DPP6: variants seen among roughly 807,000 people sequenced by gnomAD.
DPP6 encodes the protein A-type potassium channel modulatory protein DPP6.
A neutral mutation model predicts 122.6 loss-of-function variants in DPP6; 69 were observed. That is an observed-to-expected ratio of 0.56 (90% confidence interval 0.46 to 0.69). DPP6 has a LOEUF of 0.69. DPP6 is among the 30% of genes least tolerant of loss of function. DPP6 has a pLI of 0.00. For synonymous variants in DPP6, 418 were observed against 433.1 expected (o/e 0.97, Z 0.43); for missense variants, 928 against 1,116.9 (o/e 0.83, Z 2.41).
chr7:154,709,649 T>C (rs903249914), intron 7 of DPP6, among the ~76,000 whole-genome samples: 2 of 152,080 alleles, frequency 1.3e-5, no homozygotes, highest in Admixed American at 6.5e-5. Flanking sequence ...TTGGTGGCTT[T>C]TGCTGTGCTG....
At chr7:154,609,350 G>A (rs1833767859) in intron 5 of DPP6, among the ~76,000 whole-genome samples, 1 of 152,200 alleles carries the variant, frequency 6.6e-6, no homozygotes, top group Admixed American at 6.5e-5. Context: ...CACATTTTCA[G>A]AGTATTTTCT....
intron 1 of DPP6, among the ~76,000 whole-genome samples, chr7:154,272,467 C>T (rs1420261016): frequency 2.0e-5 from 3 of 152,180 alleles, no homozygotes; most frequent in Non-Finnish European, 2.9e-5. Flanking sequence ...GGTGGCATTA[C>T]CAGTACTGTA....
At chr7:154,283,995 C>T (rs550617324) in intron 1 of DPP6, among the ~76,000 whole-genome samples, 2 of 152,286 alleles carry the variant, frequency 1.3e-5, no homozygotes, top group African/African-American at 4.8e-5. Context: ...AAGTTGCTTT[C>T]AAACATTGCC....
At chr7:154,660,444 G>A (rs1837570349) in intron 6 of DPP6, among the ~76,000 whole-genome samples, 1 of 149,904 alleles carries the variant, frequency 6.7e-6, no homozygotes, top group Non-Finnish European at 1.5e-5. Context: ...TGGCGTATTG[G>A]CCCTAGTGTT....
chr7:154,715,048 T>TC (rs1366384937), intron 7 of DPP6, among the ~76,000 whole-genome samples: 2 of 95,904 alleles, frequency 2.1e-5, no homozygotes, highest in Admixed American at 2.8e-4. Context: ...TTTTATTTTA[T>TC]TTTATCTTAT....
the DPP6 span, among the ~76,000 whole-genome samples, chr7:153,855,843 C>CA: frequency 7.3e-5 from 11 of 150,436 alleles, no homozygotes; most frequent in Non-Finnish European, 1.2e-4. Flanking sequence ...CTTCTAGATT[C>CA]AAAAAAAAAT....
rs537557589 is a variant in DPP6 at position 154,611,507 on chromosome 7, A to C, written c.628-26314A>C. Among the ~76,000 whole-genome samples, 5 of 152,170 alleles carry C rather than the reference A, an allele frequency of 3.3e-5. No homozygotes were observed. The East Asian group carries it at 9.7e-4, about 29-fold the overall frequency. ...TCTAGAAATTTTTTCTTGCTTCCTC[A>C]TCTCTCATAGACATCCTAGAGGAGT... On this transcript the variant is annotated intron_variant, in intron 5 of 25. Transcript: ENST00000377770.
intron 9 of DPP6, 79 bp from the exon 10 acceptor site, chr7:154,772,766 C>T: frequency 1.3e-6 from 2 of 1,551,988 alleles, no homozygotes; most frequent in Non-Finnish European, 8.7e-7. Flanking sequence ...CGGAATCTCC[C>T]AGGAAAGGCT....
intron 3 of DPP6, among the ~76,000 whole-genome samples, chr7:154,479,285 T>C (rs897858370): frequency 2.0e-5 from 3 of 152,028 alleles, no homozygotes; most frequent in Admixed American, 1.3e-4. Flanking sequence ...GGGCCAGGTG[T>C]GGTGGCTCAC....
At chr7:154,314,899 G>A (rs7780487) in intron 1 of DPP6, among the ~76,000 whole-genome samples, 76,839 of 152,068 alleles carry the variant, frequency 0.51, 20,946 homozygotes, top group East Asian at 0.66. Flanking sequence ...CTCGCCTGGA[G>A]GTCAGTTAAG....
chr7:154,475,029 G>A lies in DPP6; in HGVS notation c.449G>A (p.Trp150Ter). 1 of 1,613,014 alleles carries A rather than the reference G, an allele frequency of 6.2e-7. No homozygotes were observed. The highest frequency in any genetic ancestry group is 1.1e-5 in the South Asian group (1 of 91,046). Residue 150 changes from tryptophan to a stop codon, truncating the protein, a stop_gained, in exon 3 of 26, where the codon TGG (tryptophan) becomes TAG (stop). Transcript: ENST00000377770. LOFTEE classifies it high-confidence loss of function. The part of the protein sequence containing the change: ...DFKIHDPEAK[W>*]ISDTEFIYRE... ...AAAATTCATGACCCCGAGGCTAAGTGGATAAGTGGTGAGTCCAGGTCCTTC... is the reference window on the plus strand; with the variant it reads ...AAAATTCATGACCCCGAGGCTAAGTAGATAAGTGGTGAGTCCAGGTCCTTC...
At chr7:153,910,304 A>T (rs548328898) in intron 1 of DPP6, among the ~76,000 whole-genome samples, 2 of 147,572 alleles carry the variant, frequency 1.4e-5, no homozygotes, top group Non-Finnish European at 3.0e-5. Flanking sequence ...ATCTCGGCTC[A>T]CTGCAACCTC....
chr7:154,285,564 C>T (rs1281450121), intron 1 of DPP6, among the ~76,000 whole-genome samples: 2 of 152,246 alleles, frequency 1.3e-5, no homozygotes, highest in African/African-American at 2.4e-5. Context: ...TGCTCCCACC[C>T]TCCTACTAGT....
intron 1 of DPP6, among the ~76,000 whole-genome samples, chr7:154,152,758 G>T (rs958792841): frequency 9.9e-5 from 15 of 152,194 alleles, no homozygotes; most frequent in African/African-American, 3.6e-4. Flanking sequence ...TAGAGGATGG[G>T]GGACTCTGTA....
At chr7:154,765,206 G>C (rs1238207464) in intron 8 of DPP6, among the ~76,000 whole-genome samples, 2 of 152,168 alleles carry the variant, frequency 1.3e-5, no homozygotes, top group African/African-American at 4.8e-5. Flanking sequence ...CTTCTAGCTA[G>C]TCATTGTTAA....
At chr7:154,340,684 C>A (rs760941288) in intron 1 of DPP6, among the ~76,000 whole-genome samples, 11 of 152,182 alleles carry the variant, frequency 7.2e-5, no homozygotes, top group South Asian at 2.1e-4. Context: ...GCAGCAATAA[C>A]TAACATGTGT....
chr7:153,950,419 C>T (rs181747863), intron 1 of DPP6, among the ~76,000 whole-genome samples: 182 of 152,216 alleles, frequency 1.2e-3, no homozygotes, highest in African/African-American at 2.9e-3. Context: ...GTACGTTATG[C>T]GCCGGGAGTT....
intron 1 of DPP6, among the ~76,000 whole-genome samples, chr7:154,046,867 C>A (rs1585224594): frequency 1.3e-5 from 2 of 152,234 alleles, no homozygotes; most frequent in Non-Finnish European, 2.9e-5. Context: ...ATACACTATA[C>A]CCCCTTCCTT....
chr7:154,617,989 G>T (rs1462416083), intron 5 of DPP6, among the ~76,000 whole-genome samples: 1 of 152,138 alleles, frequency 6.6e-6, no homozygotes, highest in African/African-American at 2.4e-5. Context: ...GGCCATAGGG[G>T]CTGCAGACCC....
Sources: allele counts gnomAD v4.1 joint callset (sites outside exome capture counted in the v4.1 genomes callset), GRCh38; gene constraint gnomAD v4.1.1; transcripts MANE v1.5; gene names NCBI Gene and HGNC (gene_info 2026-07-23, HGNC 2026-07-21).